Variants in STIM2 observed in about 807,000 individuals in gnomAD.
The protein encoded by STIM2 is stromal interaction molecule 2.
In STIM2, 31 loss-of-function variants were observed where a neutral mutation model predicts 85.8. That is an observed-to-expected ratio of 0.36 (90% confidence interval 0.27 to 0.49). The LOEUF (loss-of-function observed/expected upper bound fraction) is 0.49, where lower values mean the gene tolerates loss of function less well. Among genes scored for constraint, STIM2 ranks in the 20% least tolerant of loss-of-function variants. The pLI is 0.98. For missense variants in STIM2, 841 were observed against 927.6 expected (o/e 0.91, Z 1.21); for synonymous variants, 356 against 331.1 (o/e 1.08, Z -0.82).
intron 10 of STIM2, among the ~76,000 whole-genome samples, chr4:27,015,104 T>C (rs953097589): frequency 9.9e-5 from 15 of 152,034 alleles, no homozygotes; most frequent in Non-Finnish European, 1.6e-4. Context: ...TTGTATCCTA[T>C]TTGAGAATAT....
chr4:26,867,425 T>A (rs1722449136), intron 1 of STIM2, among the ~76,000 whole-genome samples: 1 of 152,224 alleles, frequency 6.6e-6, no homozygotes, highest in South Asian at 2.1e-4. Context: ...ATTTGCCAGT[T>A]GTTTGACAAA....
chr4:26,890,137 C>T (rs148185943), intron 1 of STIM2, among the ~76,000 whole-genome samples: 51 of 152,318 alleles, frequency 3.3e-4, no homozygotes, highest in African/African-American at 8.2e-4. Flanking sequence ...GTTAGTGCTA[C>T]AGCCATCTGC....
At chr4:26,943,792 C>A (rs1725710242) in intron 2 of STIM2, among the ~76,000 whole-genome samples, 1 of 152,010 alleles carries the variant, frequency 6.6e-6, no homozygotes, top group African/African-American at 2.4e-5. Flanking sequence ...AGATTTAGTA[C>A]TACAGGGTTT....
chr4:27,025,380 G>T lies in STIM2; in HGVS notation c.*2384G>T, dbSNP rs1258956863. ...TTTTAAAAGCAATATTTTCCTTACT[G>T]TAAAAAAAAAAAAAAAAAGATCGAT... is the stretch of plus-strand genomic sequence containing the variant. On this transcript the variant is annotated 3_prime_UTR_variant, in exon 12 of 12. Coordinates refer to ENST00000467087, the MANE Select transcript of STIM2 (RefSeq NM_020860.4). The T allele has an allele frequency of 2.6e-5, 3 of 116,170 alleles. No individual in the cohort carries two copies. Among genetic ancestry groups the T allele is most frequent in the East Asian group, 4.8e-4 (1 of 2,066 alleles). The allele number at this position is 116,170 out of a possible 1,614,324, so 7.2% of individuals were successfully genotyped here.
intron 5 of STIM2, among the ~76,000 whole-genome samples, chr4:27,000,975 G>A (rs912765596): frequency 6.6e-6 from 1 of 152,148 alleles, no homozygotes; most frequent in African/African-American, 2.4e-5. Flanking sequence ...AAATGCTTTT[G>A]AGATTGTAGC....
Position 27,003,015 on chromosome 4 carries a change from A to G in STIM2, c.892A>G (p.Lys298Glu), listed in dbSNP as rs149592017. ...AATGATGGATGAAATCAATTATGCA[A>G]AGGAGGAGGCTTGTCGGCTGAGAGA... Residue 298 changes from lysine to glutamate, a missense_variant, in exon 7 of 12, where the codon AAG becomes GAG. By Grantham distance (56) the Lys-to-Glu change is moderately conservative. Coordinates refer to ENST00000467087, the MANE Select transcript of STIM2 (RefSeq NM_020860.4). 169 of 1,604,064 alleles carry G rather than the reference A, an allele frequency of 1.1e-4. No homozygotes were observed. The highest frequency in any genetic ancestry group is 1.6e-4 in the Middle Eastern group (1 of 6,066).
intron 3 of STIM2, among the ~76,000 whole-genome samples, chr4:26,994,379 A>T (rs938814700): frequency 2.6e-5 from 4 of 151,988 alleles, no homozygotes; most frequent in African/African-American, 9.7e-5. Flanking sequence ...TGTCCATTTC[A>T]TCAGCGCATC....
chr4:26,882,753 T>C lies in STIM2; in HGVS notation c.151+21384T>C, dbSNP rs183046033. On this transcript the variant is annotated intron_variant, in intron 1 of 11. Coordinates refer to ENST00000467087, the MANE Select transcript of STIM2 (RefSeq NM_020860.4). ...CTGGTATTACATGAGCCACGGTACCTGGCCCATTAGTCTCTTCTTATGGCT... is the reference window on the plus strand; with the variant it reads ...CTGGTATTACATGAGCCACGGTACCCGGCCCATTAGTCTCTTCTTATGGCT... 2.1e-4 allele frequency among the ~76,000 whole-genome samples: 32 copies of C among 152,154 alleles called. 1 individual carries two copies. The Middle Eastern group carries it at 0.017, about 81-fold the overall frequency.
chr4:26,873,696 C>A, intron 1 of STIM2: 1 of 805,186 alleles, frequency 1.2e-6, no homozygotes, highest in Non-Finnish European at 2.1e-6. Flanking sequence ...TGGCTTCATC[C>A]AGCTCTTGGG....
chr4:26,877,908 A>G (rs1009229754), intron 1 of STIM2, among the ~76,000 whole-genome samples: 3 of 152,186 alleles, frequency 2.0e-5, no homozygotes, highest in Non-Finnish European at 4.4e-5. Flanking sequence ...GTTATAAAAT[A>G]TAGGGCAAGC....
intron 2 of STIM2, among the ~76,000 whole-genome samples, chr4:26,953,588 A>G (rs1401644386): frequency 1.3e-5 from 2 of 152,040 alleles, no homozygotes; most frequent in Non-Finnish European, 2.9e-5. Flanking sequence ...ATGTATCTAA[A>G]AATAGAAGGG....
At chr4:26,965,233 C>T (rs1726665698) in intron 3 of STIM2, among the ~76,000 whole-genome samples, 1 of 152,104 alleles carries the variant, frequency 6.6e-6, no homozygotes, top group South Asian at 2.1e-4. Context: ...ATTTCTACCA[C>T]TAACAAAAGG....
At chr4:26,955,443 A>T (rs944994121) in intron 2 of STIM2, among the ~76,000 whole-genome samples, 1 of 148,104 alleles carries the variant, frequency 6.8e-6, no homozygotes, top group Non-Finnish European at 1.5e-5. Flanking sequence ...CCTCCCTGCT[A>T]TGTCCATTAT....
At chr4:27,002,663 G>C (rs960995949) in intron 6 of STIM2, among the ~76,000 whole-genome samples, 1 of 152,098 alleles carries the variant, frequency 6.6e-6, no homozygotes, top group African/African-American at 2.4e-5. Flanking sequence ...TTTTTAACTT[G>C]ATTTAAATAA....
In STIM2 at chr4:27,023,215, A is replaced by G; in HGVS notation, c.*219A>G. 1.9e-6 allele frequency: 1 copy of G among 527,432 alleles called. No homozygotes were observed. Among genetic ancestry groups the G allele is most frequent in the East Asian group, 3.1e-5 (1 of 32,254 alleles). 32.7% of individuals were successfully genotyped at this position (527,432 alleles called of 1,614,324 possible). ...AATTCATCAAGCCAGTTATTACTGA[A>G]AAATCATTGAAATGAGACAGTTTAC... On this transcript the variant is annotated 3_prime_UTR_variant, in exon 12 of 12. Transcript: ENST00000467087.
intron 7 of STIM2, among the ~76,000 whole-genome samples, chr4:27,006,557 TATC>T (rs2109135221): frequency 6.6e-6 from 1 of 152,342 alleles, no homozygotes; most frequent in Non-Finnish European, 1.5e-5. Flanking sequence ...TGTCTTTATA[TATC>T]TTTAGTTTGA....
At chr4:26,911,822 A>C (rs1368137373) in intron 1 of STIM2, among the ~76,000 whole-genome samples, 1 of 152,234 alleles carries the variant, frequency 6.6e-6, no homozygotes, top group South Asian at 2.1e-4. Flanking sequence ...AAAAATATGC[A>C]GCAGCTTTTA....
At chr4:26,880,793 C>CT (rs1722989475) in intron 1 of STIM2, among the ~76,000 whole-genome samples, 1 of 150,618 alleles carries the variant, frequency 6.6e-6, no homozygotes, top group Non-Finnish European at 1.5e-5. Flanking sequence ...GATACGGTAA[C>CT]TTAAAATGTT....
intron 1 of STIM2, among the ~76,000 whole-genome samples, chr4:26,870,557 AT>A (rs1383804832): frequency 6.6e-6 from 1 of 152,176 alleles, no homozygotes; most frequent in Non-Finnish European, 1.5e-5. Context: ...ATAAATAACT[AT>A]AATTTAAAAA....
Sources: gnomAD v4.1 joint callset for allele counts (sites outside exome capture counted in the v4.1 genomes callset) on GRCh38, gnomAD v4.1.1 for gene constraint, MANE v1.5 for transcripts, NCBI Gene and HGNC (gene_info 2026-07-23, HGNC 2026-07-21) for gene names.